Variants in RSU1 observed in about 807,000 individuals in gnomAD.
RSU1 encodes the protein rsu-1.
A neutral mutation model predicts 31.1 loss-of-function variants in RSU1; 26 were observed. That is an observed-to-expected ratio of 0.84 (90% confidence interval 0.61 to 1.16). The LOEUF (loss-of-function observed/expected upper bound fraction) is 1.16, where lower values mean the gene tolerates loss of function less well. Ranked by LOEUF, RSU1 falls within the 50% of genes most tolerant of loss-of-function variation. The pLI, the probability that RSU1 is intolerant of heterozygous loss-of-function variation, is 0.00. For missense variants in RSU1, 320 were observed against 339.1 expected (o/e 0.94, Z 0.44); for synonymous variants, 164 against 136.3 (o/e 1.20, Z -1.41).
intron 2 of RSU1, among the ~76,000 whole-genome samples, chr10:16,791,119 C>A (rs1837903566): frequency 6.6e-6 from 1 of 152,046 alleles, no homozygotes; most frequent in African/African-American, 2.4e-5. Flanking sequence ...CTCCACCTCC[C>A]AGTTTCAAGC....
chr10:16,628,252 G>C (rs1834191711), intron 8 of RSU1, among the ~76,000 whole-genome samples: 1 of 152,182 alleles, frequency 6.6e-6, no homozygotes, highest in Admixed American at 6.6e-5. Context: ...GAACATTCTT[G>C]CAACACTTTG....
At chr10:16,810,016 A>G (rs1475451465) in intron 2 of RSU1, among the ~76,000 whole-genome samples, 1 of 150,944 alleles carries the variant, frequency 6.6e-6, no homozygotes, top group Admixed American at 6.6e-5. Context: ...GAATCACCTG[A>G]GGTCAGGAGT....
chr10:16,692,747 G>T (rs1835586337), intron 8 of RSU1, among the ~76,000 whole-genome samples: 1 of 152,012 alleles, frequency 6.6e-6, no homozygotes, highest in South Asian at 2.1e-4. Flanking sequence ...AAAAAAAATT[G>T]AATCTGTAAT....
intron 8 of RSU1, among the ~76,000 whole-genome samples, chr10:16,611,368 T>G (rs1225662419): frequency 6.6e-6 from 1 of 152,248 alleles, no homozygotes; most frequent in Non-Finnish European, 1.5e-5. Context: ...AGAAATCCCC[T>G]GGTTATAATA....
intron 3 of RSU1, among the ~76,000 whole-genome samples, chr10:16,775,970 G>C (rs934112499): frequency 6.6e-6 from 1 of 152,180 alleles, no homozygotes; most frequent in Non-Finnish European, 1.5e-5. Flanking sequence ...ATGACACAGA[G>C]ACCATTTATT....
chr10:16,611,980 A>C (rs1444644774), intron 8 of RSU1, among the ~76,000 whole-genome samples: 1 of 152,246 alleles, frequency 6.6e-6, no homozygotes, highest in East Asian at 1.9e-4. Context: ...CTCTGATAAA[A>C]GTGCTTTATC....
chr10:16,808,585 T>G (rs988580185), intron 2 of RSU1, among the ~76,000 whole-genome samples: 1 of 151,556 alleles, frequency 6.6e-6, no homozygotes, highest in African/African-American at 2.4e-5. Flanking sequence ...TACTTTCTCA[T>G]CTATAAAATG....
rs146958107 is a variant in RSU1, at chr10:16,811,558, G to A, written c.109+5415C>T. Among the ~76,000 whole-genome samples the A allele has an allele frequency of 7.9e-3, 1,197 of 152,212 alleles. 22 individuals carry two copies. The highest frequency in any genetic ancestry group is 0.028 in the African/African-American group (1,156 of 41,516). On this transcript the variant is annotated intron_variant, in intron 2 of 8. Transcript: ENST00000345264. ...AAGATGCTTACAAAAAAGCCACCAG[G>A]GCCACTAGAGCCAGAATGTCAGAGG...
chr10:16,600,881 A>G lies in RSU1; in HGVS notation c.732-7385T>C, dbSNP rs183763480. Among the ~76,000 whole-genome samples, 550 of 152,254 alleles carry G rather than the reference A, an allele frequency of 3.6e-3. 2 individuals carry two copies. The highest frequency in any genetic ancestry group is 4.7e-3 in the Non-Finnish European group (320 of 68,020). ...CTGGCTGATAGGTGGATTTTATTTAATATGGGCATCTTTATTTTTGGAAAA... is the reference window on the plus strand; with the variant it reads ...CTGGCTGATAGGTGGATTTTATTTAGTATGGGCATCTTTATTTTTGGAAAA... On this transcript the variant is annotated intron_variant, in intron 8 of 8. Transcript: ENST00000345264.
chr10:16,632,593 C>T (rs117497772), intron 8 of RSU1, among the ~76,000 whole-genome samples: 1,720 of 152,314 alleles, frequency 0.011, 15 homozygotes, highest in Non-Finnish European at 0.019. Context: ...TGATTTTCCA[C>T]GAATTCTTTC....
chr10:16,713,075 C>T (rs528331837), intron 7 of RSU1, among the ~76,000 whole-genome samples: 3 of 152,196 alleles, frequency 2.0e-5, no homozygotes, highest in Non-Finnish European at 1.5e-5. Flanking sequence ...GCTGAGAAAT[C>T]TACTAGTAGT....
chr10:16,704,972 G>A (rs1036860681), intron 7 of RSU1, among the ~76,000 whole-genome samples: 3 of 151,466 alleles, frequency 2.0e-5, no homozygotes, highest in African/African-American at 7.3e-5. Flanking sequence ...CTGCCTCCAT[G>A]ACTTTTTTTC....
chr10:16,701,653 A>C (rs1835797711), intron 7 of RSU1, among the ~76,000 whole-genome samples: 3 of 152,300 alleles, frequency 2.0e-5, no homozygotes, highest in South Asian at 2.1e-4. Flanking sequence ...TAAAAAGAGA[A>C]AACCACCACC....
At chr10:16,733,128 A>C (rs1024611086) in intron 7 of RSU1, among the ~76,000 whole-genome samples, 1 of 152,074 alleles carries the variant, frequency 6.6e-6, no homozygotes, top group Non-Finnish European at 1.5e-5. Flanking sequence ...AAATATTTTC[A>C]CCTATATTCA....
intron 8 of RSU1, among the ~76,000 whole-genome samples, chr10:16,688,431 C>T (rs1314285066): frequency 1.3e-5 from 2 of 152,038 alleles, no homozygotes; most frequent in Non-Finnish European, 2.9e-5. Flanking sequence ...AAGGCGAAAC[C>T]CTGTCTCTAC....
At chr10:16,653,203 G>A (rs1010665510) in intron 8 of RSU1, among the ~76,000 whole-genome samples, 1 of 152,152 alleles carries the variant, frequency 6.6e-6, no homozygotes, top group Admixed American at 6.5e-5. Context: ...TCCGACATAT[G>A]TTACCTACTT....
chr10:16,621,316 G>T (rs577274497), intron 8 of RSU1, among the ~76,000 whole-genome samples: 1 of 152,262 alleles, frequency 6.6e-6, no homozygotes, highest in East Asian at 1.9e-4. Flanking sequence ...TCTGGTGTAA[G>T]AAAAACTTAC....
At chr10:16,620,442 C>T (rs1834048905) in intron 8 of RSU1, among the ~76,000 whole-genome samples, 1 of 151,832 alleles carries the variant, frequency 6.6e-6, no homozygotes, top group Non-Finnish European at 1.5e-5. Flanking sequence ...AGTGGGGAGA[C>T]CTAACTCACC....
chr10:16,764,549 G>GAAC, intron 3 of RSU1, 39 bp from the exon 4 acceptor site: 2 of 1,594,860 alleles, frequency 1.3e-6, no homozygotes, highest in Non-Finnish European at 1.7e-6. Flanking sequence ...TCTGGGAATG[G>GAAC]AACTCCTAGC....
Sources: allele counts gnomAD v4.1 joint callset (sites outside exome capture counted in the v4.1 genomes callset), GRCh38; gene constraint gnomAD v4.1.1; transcripts MANE v1.5; gene names NCBI Gene and HGNC (gene_info 2026-07-23, HGNC 2026-07-21).